Variants in AKAP11 observed in about 807,000 individuals in gnomAD.
AKAP11 encodes the protein A-kinase anchor protein 11.
AKAP11 carries 36 observed loss-of-function variants against 146.1 expected under a neutral mutation model. The observed-to-expected ratio is 0.25, with a 90% CI of 0.19 to 0.33. The LOEUF is 0.33. Among genes scored for constraint, AKAP11 ranks in the 10% least tolerant of loss-of-function variants. The pLI, the probability that AKAP11 is intolerant of heterozygous loss-of-function variation, is 1.00. For synonymous variants in AKAP11, 780 were observed against 786.5 expected (o/e 0.99, Z 0.14); for missense variants, 2,201 against 2,197.0 (o/e 1.00, Z -0.04).
At chr13:42,307,899 T>C (rs1960351397) in intron 8 of AKAP11, among the ~76,000 whole-genome samples, 2 of 152,160 alleles carry the variant, frequency 1.3e-5, no homozygotes, top group Admixed American at 1.3e-4. Context: ...AGTTGAGCAG[T>C]GAATGGACTT....
chr13:42,281,727 A>G (rs1019076307), intron 1 of AKAP11, among the ~76,000 whole-genome samples: 1 of 152,168 alleles, frequency 6.6e-6, no homozygotes, highest in East Asian at 1.9e-4. Flanking sequence ...ACATATATAG[A>G]TACACACATG....
intron 1 of AKAP11, among the ~76,000 whole-genome samples, chr13:42,275,477 A>G (rs1463652662): frequency 1.3e-5 from 2 of 152,242 alleles, no homozygotes; most frequent in African/African-American, 4.8e-5. Flanking sequence ...TTTGTCTCAC[A>G]GTTTGCAGGG....
chr13:42,289,852 A>C (rs992420370), intron 3 of AKAP11, among the ~76,000 whole-genome samples: 3 of 152,170 alleles, frequency 2.0e-5, no homozygotes, highest in Admixed American at 1.3e-4. Context: ...AATTGTTTAA[A>C]ATATTGAATA....
At position 42,300,019 on chromosome 13, in the gene AKAP11, GGTAACC is replaced by G; in HGVS notation, c.1274_1279del (p.Gly425_Leu427delinsVal). Reference sequence around the variant, plus strand: ...TCCTCGTAAACCAGAATCTCCATATGGTAACCTGTGTGATGCTCCGGATTCTCCTCG... The same window carrying G: ...TCCTCGTAAACCAGAATCTCCATATGTGTGTGATGCTCCGGATTCTCCTCG... On this transcript the variant is annotated inframe_deletion, in exon 8 of 13. Transcript: ENST00000025301. The G allele has an allele frequency of 6.2e-7, 1 of 1,613,926 alleles. No homozygotes were observed. Among genetic ancestry groups the G allele is most frequent in the Non-Finnish European group, 8.5e-7 (1 of 1,179,842 alleles).
At position 42,302,114 on chromosome 13, in the gene AKAP11, A is replaced by G. The variant is rs2138605743; in HGVS notation, c.3368A>G (p.Lys1123Arg). The G allele has an allele frequency of 6.2e-7, 1 of 1,614,202 alleles. No homozygotes were observed. Among genetic ancestry groups the G allele is most frequent in the Non-Finnish European group, 8.5e-7 (1 of 1,180,018 alleles). Residue 1123 changes from lysine (K) to arginine (R), a missense_variant, in exon 8 of 13, where the codon AAG (lysine) becomes AGG (arginine). Physicochemically the swap from Lys to Arg is conservative, Grantham distance 26 (BLOSUM62 2). This residue lies in a region of AKAP11 where 1,867 missense variants were observed against 1,833.5 expected (regional missense o/e 1.02). Transcript: ENST00000025301. ...TGGGATATCAAGAAGTTAACTAAAAAGCTCAAGGGAGAATTAGCCAAAGAG... is the reference window on the plus strand; with the variant it reads ...TGGGATATCAAGAAGTTAACTAAAAGGCTCAAGGGAGAATTAGCCAAAGAG... ...SEWDIKKLTK[K>R]LKGELAKEFA...
Position 42,297,183 on chromosome 13 carries a change from G to C in AKAP11, c.351+1G>C, listed in dbSNP as rs970132717. ...TATAAGCAGTGATCCTCTAAATCAG[G>C]TAACTTTTGTAGATAATTTCTAATG... is the stretch of plus-strand genomic sequence containing the variant. On this transcript the variant is annotated splice_donor_variant, in intron 6 of 12. Transcript: ENST00000025301. LOFTEE classifies it high-confidence loss of function. 6 of 1,424,236 alleles carry C rather than the reference G, an allele frequency of 4.2e-6. No homozygotes were observed. In the Admixed American group the frequency reaches 1.0e-4, roughly 24 times the overall value. 88.2% of individuals were successfully genotyped at this position (1,424,236 alleles called of 1,614,324 possible).
chr13:42,279,585 T>C (rs1959014156), intron 1 of AKAP11, among the ~76,000 whole-genome samples: 1 of 152,214 alleles, frequency 6.6e-6, no homozygotes, highest in African/African-American at 2.4e-5. Flanking sequence ...TATGGTGATG[T>C]TTTCCTCTCA....
intron 1 of AKAP11, among the ~76,000 whole-genome samples, chr13:42,278,212 A>G (rs1332649221): frequency 6.6e-6 from 1 of 152,216 alleles, no homozygotes; most frequent in Admixed American, 6.5e-5. Flanking sequence ...GAGGATTAAA[A>G]AGGAAAAAGG....
At position 42,298,614 on chromosome 13, in the gene AKAP11, C is replaced by A; in HGVS notation, c.433C>A (p.Leu145Ile). The change falls in exon 7 of 13, where the codon CTA becomes ATA. Residue 145 changes from leucine (L) to isoleucine (I), a missense_variant. Physicochemically the swap from Leu to Ile is conservative, Grantham distance 5. Coordinates refer to ENST00000025301, the MANE Select transcript of AKAP11 (RefSeq NM_016248.4). The stretch of plus-strand genomic sequence containing the variant: ...TAGGATTGATTTTATCTTTAGTCTC[C>A]TAAGTAAATATGCTACTGGTATAAG... ...RLRIDFIFSL[L>I]SKYATGIRYT... is the part of the protein sequence containing the mutation. The A allele has an allele frequency of 6.2e-7, 1 of 1,612,354 alleles. No homozygotes were observed.
chr13:42,297,013 C>G, intron 5 of AKAP11, 35 bp from the exon 6 acceptor site: 1 of 1,560,696 alleles, frequency 6.4e-7, no homozygotes, highest in Non-Finnish European at 8.6e-7. Context: ...AAGTGTTACT[C>G]TACAGTGTTA....
In AKAP11 at chr13:42,301,428, G is replaced by A; in HGVS notation, c.2682G>A (p.Leu894=). 4.3e-6 allele frequency: 7 copies of A among 1,613,130 alleles called. No homozygotes were observed. The highest frequency in any genetic ancestry group is 5.1e-6 in the Non-Finnish European group (6 of 1,179,756). Residue 894 remains leucine, a synonymous_variant, in exon 8 of 13, where the codon TTG becomes TTA. Transcript: ENST00000025301. ...VNETLESMTS[L]EVTKMVDERT... is the part of the protein sequence containing the mutation. ...AAACTTTAGAGTCAATGACATCATT[G>A]GAAGTTACAAAAATGGTTGATGAAC...
rs1959165528 is a variant in AKAP11, at chr13:42,286,286, T to C, written c.-49-14T>C. The C allele has an allele frequency of 1.8e-6, 2 of 1,105,950 alleles. No individual in the cohort carries two copies. The highest frequency in any genetic ancestry group is 3.2e-5 in the South Asian group (2 of 62,786). The allele number at this position is 1,105,950 out of a possible 1,614,324, so 68.5% of individuals were successfully genotyped here. On this transcript the variant is annotated splice_polypyrimidine_tract_variant and intron_variant, in intron 2 of 12. Transcript: ENST00000025301. ...AAGATCAATAAATAAGTTGTTTTAA[T>C]ATGTTTTCTTTAGGTGTTTTGTGGA...
chr13:42,314,154 A>G (rs757705849), intron 11 of AKAP11, among the ~76,000 whole-genome samples: 37 of 152,204 alleles, frequency 2.4e-4, no homozygotes, highest in Non-Finnish European at 4.4e-4. Flanking sequence ...ATTGGTATAA[A>G]GAAATACTGG....
At chr13:42,291,150 C>G (rs979731189) in intron 3 of AKAP11, among the ~76,000 whole-genome samples, 1 of 151,998 alleles carries the variant, frequency 6.6e-6, no homozygotes, top group Non-Finnish European at 1.5e-5. Flanking sequence ...TTGAGTTAAT[C>G]TAGTGTGAGG....
rs777190013 is a variant in AKAP11 at position 42,301,667 on chromosome 13, C to A, written c.2921C>A (p.Ser974Tyr). ...GTATACAAGGAAAGCTTGCCTGTTT[C>A]TGGAGAAGAATCACAGTTGACACCA... ...NAVYKESLPVSGEESQLTPEK... is the reference protein window; with the variant it reads ...NAVYKESLPVYGEESQLTPEK... The change falls in exon 8 of 13, where the codon TCT (serine) becomes TAT (tyrosine). Residue 974 changes from serine to tyrosine, a missense_variant. By Grantham distance (144) the Ser-to-Tyr change is moderately radical (BLOSUM62 -2). Around this residue, in one of 3 missense-constraint regions of AKAP11, gnomAD observed 1,867 missense variants for 1,833.5 expected, o/e 1.02. Transcript: ENST00000025301. 1.2e-6 allele frequency: 2 copies of A among 1,614,122 alleles called. No individual in the cohort carries two copies. The highest frequency in any genetic ancestry group is 1.1e-5 in the South Asian group (1 of 91,076).
chr13:42,301,670 G>C lies in AKAP11; in HGVS notation c.2924G>C (p.Gly975Ala). The C allele has an allele frequency of 6.2e-7, 1 of 1,614,076 alleles. No homozygotes were observed. The highest frequency in any genetic ancestry group is 8.5e-7 in the Non-Finnish European group (1 of 1,179,996). The change falls in exon 8 of 13, where the codon GGA becomes GCA. Residue 975 changes from glycine to alanine, a missense_variant. Physicochemically the swap from Gly to Ala is moderately conservative, Grantham distance 60. Around this residue, in one of 3 missense-constraint regions of AKAP11, gnomAD observed 1,867 missense variants for 1,833.5 expected, o/e 1.02. Coordinates refer to ENST00000025301, the MANE Select transcript of AKAP11 (RefSeq NM_016248.4). Reference protein sequence around the residue: ...AVYKESLPVSGEESQLTPEKS... With the variant: ...AVYKESLPVSAEESQLTPEKS... ...TACAAGGAAAGCTTGCCTGTTTCTG[G>C]AGAAGAATCACAGTTGACACCAGAA...
intron 1 of AKAP11, among the ~76,000 whole-genome samples, chr13:42,282,434 T>C (rs887934975): frequency 2.0e-5 from 3 of 152,162 alleles, no homozygotes; most frequent in South Asian, 2.1e-4. Flanking sequence ...TTCAGTTTTT[T>C]CATTTTATTT....
At chr13:42,293,475 C>T (rs1959313491) in intron 4 of AKAP11, among the ~76,000 whole-genome samples, 1 of 152,120 alleles carries the variant, frequency 6.6e-6, no homozygotes, top group Non-Finnish European at 1.5e-5. Flanking sequence ...GGTGCCTCAT[C>T]CTCTTTTTGT....
rs748743847 is a variant in AKAP11, at chr13:42,300,048, T to C, written c.1302T>C (p.Pro434=). 1 of 1,613,964 alleles carries C rather than the reference T, an allele frequency of 6.2e-7. No homozygotes were observed. The change falls in exon 8 of 13, where the codon CCT becomes CCC. Residue 434 remains proline, a synonymous_variant. Transcript: ENST00000025301. ...YGNLCDAPDS[P]RPVKASREDS... is the part of the protein sequence containing the mutation. Reference sequence around the variant, plus strand: ...ACCTGTGTGATGCTCCGGATTCTCCTCGCCCAGTGAAGGCATCAAGGGAAG... The same window carrying C: ...ACCTGTGTGATGCTCCGGATTCTCCCCGCCCAGTGAAGGCATCAAGGGAAG...
Sources: gnomAD v4.1 joint callset for allele counts (sites outside exome capture counted in the v4.1 genomes callset) on GRCh38, gnomAD v4.1.1 for gene constraint, gnomAD v4.1.1 regional missense constraint, MANE v1.5 for transcripts, NCBI Gene and HGNC (gene_info 2026-07-23, HGNC 2026-07-21) for gene names.